Variants in SLAMF9 observed in about 807,000 individuals in gnomAD.
SLAMF9 encodes CD2 family member 10.
In SLAMF9, 25 loss-of-function variants were observed where a neutral mutation model predicts 30.4. That is an observed-to-expected ratio of 0.82 (90% CI 0.60 to 1.15). SLAMF9 has a LOEUF of 1.15. Among genes scored for constraint, SLAMF9 ranks in the 50% most tolerant of loss-of-function variants. The probability of loss-of-function intolerance (pLI) is 0.00; values close to 1 mark genes in which losing one functional copy is unlikely to be tolerated. For missense variants in SLAMF9, 344 were observed against 346.1 expected (o/e 0.99, Z 0.05); for synonymous variants, 129 against 127.2 (o/e 1.01, Z -0.09).
the SLAMF9 span, among the ~76,000 whole-genome samples, chr1:159,970,948 G>A: frequency 6.6e-6 from 1 of 152,182 alleles, no homozygotes; most frequent in Non-Finnish European, 1.5e-5. Context: ...TACTAAGTAC[G>A]TCCTTTCCCA....
At chr1:159,961,112 A>G in the SLAMF9 span, 1 of 152,160 alleles carries the variant, frequency 6.6e-6, no homozygotes, top group South Asian at 2.1e-4. Context: ...AAACTATGAC[A>G]TTATTATATA....
chr1:159,956,637 G>A (rs1478151849), upstream of SLAMF9, among the ~76,000 whole-genome samples: 1 of 152,112 alleles, frequency 6.6e-6, no homozygotes, highest in Non-Finnish European at 1.5e-5. Context: ...AGTGAGGAAA[G>A]CTGAGTAGCG....
chr1:159,975,997 G>A, the SLAMF9 span, among the ~76,000 whole-genome samples: 3 of 152,296 alleles, frequency 2.0e-5, no homozygotes, highest in East Asian at 3.9e-4. Context: ...GCTGGAGATA[G>A]AGACTTGGGA....
chr1:159,976,991 A>AAAG, the SLAMF9 span: 1 of 21,108 alleles, frequency 4.7e-5, no homozygotes, highest in Admixed American at 8.7e-4. Context: ...GGAAAGAAGG[A>AAAG]AAGAAAGAAA....
At chr1:159,983,084 T>A in the SLAMF9 span, 1 of 152,286 alleles carries the variant, frequency 6.6e-6, no homozygotes, top group East Asian at 1.9e-4. Flanking sequence ...CTAGCTTATA[T>A]CCCAATATCT....
the SLAMF9 span, chr1:159,983,116 G>C: frequency 6.6e-6 from 1 of 152,194 alleles, no homozygotes; most frequent in Non-Finnish European, 1.5e-5. Flanking sequence ...TAGAACCCTG[G>C]TTAGGCTCCT....
At position 159,954,076 on chromosome 1, in the gene SLAMF9, T is replaced by C; in HGVS notation, c.46+16A>G. 1 of 1,613,894 alleles carries C rather than the reference T, an allele frequency of 6.2e-7. No individual in the cohort carries two copies. The highest frequency in any genetic ancestry group is 8.5e-7 in the Non-Finnish European group (1 of 1,179,950). On this transcript the variant is annotated intron_variant, in intron 1 of 3. Coordinates refer to ENST00000368093, the MANE Select transcript of SLAMF9 (RefSeq NM_033438.4). ...GTAGGGGACATTCCTGTGCACGAGC[T>C]GGCAGCTTCACTCACCCTCCTGGAG...
the SLAMF9 span, among the ~76,000 whole-genome samples, chr1:159,967,864 C>T: frequency 1.3e-5 from 2 of 152,154 alleles, no homozygotes; most frequent in South Asian, 4.1e-4. Context: ...TCTTTTGTTG[C>T]TATTGTAAAT....
the SLAMF9 span, among the ~76,000 whole-genome samples, chr1:159,971,461 G>C: frequency 6.6e-6 from 1 of 152,180 alleles, no homozygotes; most frequent in African/African-American, 2.4e-5. Flanking sequence ...GGAGAACAAG[G>C]TCCCTCAGGG....
chr1:159,964,175 G>A, the SLAMF9 span, among the ~76,000 whole-genome samples: 1 of 152,184 alleles, frequency 6.6e-6, no homozygotes, highest in Admixed American at 6.5e-5. Flanking sequence ...GTCCCCCAGT[G>A]ATTCTACTCT....
the SLAMF9 span, among the ~76,000 whole-genome samples, chr1:159,970,674 G>A: frequency 6.6e-6 from 1 of 152,060 alleles, no homozygotes; most frequent in Admixed American, 6.5e-5. Context: ...TTTATCTTGC[G>A]ACAGTGTGTA....
upstream of SLAMF9, among the ~76,000 whole-genome samples, chr1:159,956,728 A>G (rs1379421173): frequency 6.6e-6 from 1 of 152,234 alleles, no homozygotes; most frequent in Non-Finnish European, 1.5e-5. Flanking sequence ...ACCATTTACA[A>G]CAACATGGAT....
chr1:159,951,701 T>A lies in SLAMF9; in HGVS notation c.830A>T (p.Lys277Ile). Residue 277 changes from lysine (K) to isoleucine (I), a missense_variant, in exon 4 of 4, where the codon AAA becomes ATA. Lys to Ile is a moderately radical substitution (Grantham distance 102, BLOSUM62 -3). Coordinates refer to ENST00000368093, the MANE Select transcript of SLAMF9 (RefSeq NM_033438.4). ...RMKKLMRNRM[K>I]LRKEAKPGSS... is the part of the protein sequence containing the mutation. ...GCCAGGCTTTGCCTCCTTCCTCAATTTCATTCTGTTTCTCATGAGTTTCTT... is the reference window on the plus strand; with the variant it reads ...GCCAGGCTTTGCCTCCTTCCTCAATATCATTCTGTTTCTCATGAGTTTCTT... 6.2e-7 allele frequency: 1 copy of A among 1,614,196 alleles called. No homozygotes were observed. Among genetic ancestry groups the A allele is most frequent in the Non-Finnish European group, 8.5e-7 (1 of 1,180,034 alleles).
At chr1:159,952,678 A>C (rs1571228656) in intron 2 of SLAMF9, 144 bp from the exon 3 acceptor site, 2 of 829,798 alleles carry the variant, frequency 2.4e-6, no homozygotes, top group Non-Finnish European at 3.7e-6. Context: ...AACAAACCCA[A>C]CCACCATAAA....
the SLAMF9 span, among the ~76,000 whole-genome samples, chr1:159,966,002 T>C: frequency 6.6e-6 from 1 of 152,230 alleles, no homozygotes; most frequent in Non-Finnish European, 1.5e-5. Context: ...TTTTGAAATA[T>C]ACAACATATT....
chr1:159,979,415 T>C, the SLAMF9 span, among the ~76,000 whole-genome samples: 18 of 152,324 alleles, frequency 1.2e-4, no homozygotes, highest in African/African-American at 4.3e-4. Flanking sequence ...GTCTAAGATG[T>C]TTATAAATGT....
chr1:159,975,417 A>G, the SLAMF9 span, among the ~76,000 whole-genome samples: 15 of 152,170 alleles, frequency 9.9e-5, no homozygotes, highest in Non-Finnish European at 1.6e-4. Flanking sequence ...AGATGTAGCC[A>G]CATGAGCAAG....
chr1:159,968,182 T>G, the SLAMF9 span, among the ~76,000 whole-genome samples: 1 of 152,230 alleles, frequency 6.6e-6, no homozygotes, highest in East Asian at 1.9e-4. Flanking sequence ...GTTTCTGATA[T>G]TTGAAGAAAA....
chr1:159,958,505 G>A (rs1008924346), upstream of SLAMF9, among the ~76,000 whole-genome samples: 11 of 151,678 alleles, frequency 7.3e-5, no homozygotes, highest in African/African-American at 2.7e-4. Flanking sequence ...CTATCACCCA[G>A]GCTGGAGTGC....
Sources: gnomAD v4.1 joint callset for allele counts (sites outside exome capture counted in the v4.1 genomes callset) on GRCh38, gnomAD v4.1.1 for gene constraint, MANE v1.5 for transcripts, NCBI Gene and HGNC (gene_info 2026-07-23, HGNC 2026-07-21) for gene names.